UGGT2: variants seen among roughly 807,000 people sequenced by gnomAD.
UGGT2 encodes the protein UDP-glucose:glycoprotein glucosyltransferase 2.
Under a neutral mutation model 192.1 loss-of-function variants are expected in UGGT2, and 180 were observed. That is an observed-to-expected ratio of 0.94 (90% CI 0.83 to 1.06). The LOEUF (loss-of-function observed/expected upper bound fraction) is 1.06, where lower values mean the gene tolerates loss of function less well. UGGT2 is among the 50% of genes least tolerant of loss of function. The pLI is 0.00. For missense variants in UGGT2, 1,849 were observed against 1,795.7 expected, an observed-to-expected ratio of 1.03 and a Z score of -0.54; for synonymous variants, 580 against 591.0, an observed-to-expected ratio of 0.98 and a Z score of 0.27.
chr13:95,958,214 C>T (rs1173218928), intron 12 of UGGT2, among the ~76,000 whole-genome samples: 3 of 151,974 alleles, frequency 2.0e-5, no homozygotes, highest in Non-Finnish European at 2.9e-5. Context: ...TGCAGTGGCA[C>T]GATCTTGGCT....
intron 37 of UGGT2, 70 bp downstream of exon 37, chr13:95,837,016 C>A (rs1327613493): frequency 2.5e-6 from 3 of 1,223,580 alleles, no homozygotes; most frequent in African/African-American, 3.0e-5. Flanking sequence ...CTTTGTAAAA[C>A]AGAAAGAAAA....
chr13:95,980,668 G>C lies in UGGT2; in HGVS notation c.1092+3136C>G, dbSNP rs539062635. ...GGCTTGGTTTTTAACTAAAGCCTTT[G>C]CGCCCTCTAGTGGGAAGATGGAGCA... On this transcript the variant is annotated intron_variant, in intron 10 of 38. Transcript: ENST00000376747. Among the ~76,000 whole-genome samples the C allele has an allele frequency of 1.2e-3, 176 of 152,298 alleles. 10 individuals carry two copies. Among genetic ancestry groups the C allele is most frequent in the South Asian group, 2.1e-3 (10 of 4,830 alleles).
chr13:96,046,691 C>A (rs2053320969), intron 1 of UGGT2, among the ~76,000 whole-genome samples: 1 of 152,212 alleles, frequency 6.6e-6, no homozygotes, highest in Admixed American at 6.5e-5. Flanking sequence ...CCGGAAAGTG[C>A]AAGAGGTCGG....
At chr13:95,877,481 A>G in intron 28 of UGGT2, 117 bp from the exon 29 acceptor site, 3 of 984,594 alleles carry the variant, frequency 3.0e-6, no homozygotes, top group East Asian at 2.6e-5. Flanking sequence ...AATAAATTCT[A>G]TAAATCAATT....
chr13:95,946,545 T>G (rs1490578640), intron 15 of UGGT2, among the ~76,000 whole-genome samples: 1 of 152,096 alleles, frequency 6.6e-6, no homozygotes, highest in Non-Finnish European at 1.5e-5. Context: ...TTTTTATTTT[T>G]TTTTTGGTAG....
At chr13:95,913,036 T>G (rs897298619) in intron 20 of UGGT2, among the ~76,000 whole-genome samples, 3 of 152,216 alleles carry the variant, frequency 2.0e-5, no homozygotes, top group Non-Finnish European at 4.4e-5. Context: ...GCTAGCCATA[T>G]GTAGAAAGCT....
At chr13:95,855,742 C>G (rs7988464) in intron 34 of UGGT2, among the ~76,000 whole-genome samples, 6 of 152,028 alleles carry the variant, frequency 3.9e-5, no homozygotes, top group African/African-American at 1.2e-4. Context: ...TGGTTGAATG[C>G]GAAAGAATGC....
chr13:95,818,885 G>C (rs1885206651), intron 38 of UGGT2, among the ~76,000 whole-genome samples: 1 of 152,128 alleles, frequency 6.6e-6, no homozygotes, highest in African/African-American at 2.4e-5. Context: ...GCGGACACAT[G>C]GAAGAGTTAC....
At chr13:96,052,945 AG>A in intron 1 of UGGT2, among the ~76,000 whole-genome samples, 1 of 152,310 alleles carries the variant, frequency 6.6e-6, no homozygotes, top group South Asian at 2.1e-4. Context: ...AGTAAGACTG[AG>A]GGGGAAAGGA....
intron 17 of UGGT2, among the ~76,000 whole-genome samples, chr13:95,931,263 T>A (rs575966612): frequency 6.6e-6 from 1 of 152,242 alleles, no homozygotes; most frequent in Non-Finnish European, 1.5e-5. Context: ...CTGATTGGTG[T>A]GTTTACAAAT....
intron 38 of UGGT2, among the ~76,000 whole-genome samples, chr13:95,830,860 A>G (rs1041054578): frequency 1.3e-5 from 2 of 152,214 alleles, no homozygotes; most frequent in African/African-American, 2.4e-5. Flanking sequence ...TCACAATAGC[A>G]AAGACTTGGA....
chr13:96,014,600 T>A (rs2052269165), intron 4 of UGGT2, among the ~76,000 whole-genome samples: 1 of 152,148 alleles, frequency 6.6e-6, no homozygotes, highest in Non-Finnish European at 1.5e-5. Flanking sequence ...GTAAATAGAA[T>A]CTTAACCCCA....
intron 10 of UGGT2, among the ~76,000 whole-genome samples, chr13:95,983,159 GA>G (rs1049018783): frequency 6.6e-6 from 1 of 152,166 alleles, no homozygotes; most frequent in African/African-American, 2.4e-5. Flanking sequence ...AATGTTCCAA[GA>G]AGGCTTTAGT....
At position 95,988,758 on chromosome 13, in the gene UGGT2, G is replaced by A. The variant is rs577426849; in HGVS notation, c.931+1215C>T. ...GCACATTCTGCTATAATTTTAAAAT[G>A]TAACATTCAATATTCTGTTAAGTGT... On this transcript the variant is annotated intron_variant, in intron 8 of 38. Coordinates refer to ENST00000376747, the MANE Select transcript of UGGT2 (RefSeq NM_020121.4). Among the ~76,000 whole-genome samples the A allele has an allele frequency of 3.3e-5, 5 of 152,200 alleles. No individual in the cohort carries two copies. The East Asian group carries it at 9.6e-4, about 29-fold the overall frequency.
At chr13:95,986,895 A>C (rs950030155) in intron 8 of UGGT2, among the ~76,000 whole-genome samples, 1 of 152,168 alleles carries the variant, frequency 6.6e-6, no homozygotes, top group African/African-American at 2.4e-5. Flanking sequence ...GCTGAAATAA[A>C]ATCCTAAACT....
At chr13:95,906,460 A>G (rs2048294183) in intron 20 of UGGT2, among the ~76,000 whole-genome samples, 1 of 152,218 alleles carries the variant, frequency 6.6e-6, no homozygotes, top group South Asian at 2.1e-4. Context: ...AAAAATGAAC[A>G]GTTTCTCAGA....
chr13:96,040,651 T>C (rs960641760), intron 1 of UGGT2, among the ~76,000 whole-genome samples: 25 of 152,122 alleles, frequency 1.6e-4, no homozygotes, highest in Non-Finnish European at 3.7e-4. Flanking sequence ...AAGTTGCAAA[T>C]ACTATAAGTA....
Position 96,035,260 on chromosome 13 carries a change from G to A in UGGT2, c.159-3289C>T, listed in dbSNP as rs143216675. Among the ~76,000 whole-genome samples, 981 of 152,156 alleles carry A rather than the reference G, an allele frequency of 6.4e-3. 7 individuals are homozygous for A. The highest frequency in any genetic ancestry group is 0.023 in the African/African-American group (942 of 41,532). Reference sequence around the variant, plus strand: ...GAATAGAGAACTCAGAAATAAGACTGCACACCTACAAGCATCTGATATTTG... The same window carrying A: ...GAATAGAGAACTCAGAAATAAGACTACACACCTACAAGCATCTGATATTTG... On this transcript the variant is annotated intron_variant, in intron 1 of 38. Transcript: ENST00000376747.
chr13:95,927,731 C>T, intron 17 of UGGT2, among the ~76,000 whole-genome samples: 1 of 151,744 alleles, frequency 6.6e-6, no homozygotes, highest in East Asian at 1.9e-4. Flanking sequence ...TTGGCGGGGT[C>T]ACAGGACAAT....
Sources: allele counts gnomAD v4.1 joint callset (sites outside exome capture counted in the v4.1 genomes callset), GRCh38; gene constraint gnomAD v4.1.1; transcripts MANE v1.5; gene names NCBI Gene and HGNC (gene_info 2026-07-23, HGNC 2026-07-21).